Variants in PTPRE observed in about 807,000 individuals in gnomAD.
PTPRE encodes the protein protein tyrosine phosphatase receptor type E, also known as receptor-type tyrosine-protein phosphatase epsilon.
Under a neutral mutation model 102.0 loss-of-function variants are expected in PTPRE, and 51 were observed. The observed-to-expected ratio is 0.50, with a 90% CI of 0.40 to 0.63. The LOEUF (loss-of-function observed/expected upper bound fraction) is 0.63. PTPRE is among the 30% of genes least tolerant of loss of function. The pLI is 0.00. For synonymous variants in PTPRE, 345 were observed against 348.2 expected, an observed-to-expected ratio of 0.99 and a Z score of 0.10; for missense variants, 752 against 915.1, an observed-to-expected ratio of 0.82 and a Z score of 2.30.
intron 1 of PTPRE, among the ~76,000 whole-genome samples, chr10:127,965,908 A>T (rs988955184): frequency 2.0e-5 from 3 of 152,234 alleles, no homozygotes; most frequent in Non-Finnish European, 4.4e-5. Context: ...CTTCTGCCAC[A>T]CTGGCCCTTT....
chr10:128,004,267 G>T (rs576753821), intron 2 of PTPRE, among the ~76,000 whole-genome samples: 1 of 151,522 alleles, frequency 6.6e-6, no homozygotes, highest in South Asian at 2.1e-4. Flanking sequence ...TGGTCCTGGG[G>T]TGATTTATCT....
chr10:128,023,464 A>C (rs1846071876), intron 2 of PTPRE, among the ~76,000 whole-genome samples: 2 of 152,198 alleles, frequency 1.3e-5, no homozygotes, highest in Non-Finnish European at 2.9e-5. Context: ...ATACTTTGAG[A>C]GAGAAGAGAG....
chr10:127,989,420 A>G (rs1301865713), intron 2 of PTPRE, among the ~76,000 whole-genome samples: 2 of 152,228 alleles, frequency 1.3e-5, no homozygotes, highest in African/African-American at 2.4e-5. Flanking sequence ...GCTCAAATTC[A>G]TGATCTCAAG....
chr10:128,066,307 C>A, intron 11 of PTPRE, 113 bp downstream of exon 11: 3 of 1,509,862 alleles, frequency 2.0e-6, no homozygotes, highest in East Asian at 4.5e-5. Context: ...CCGGCACTGT[C>A]GCAGCCCTGG....
chr10:127,972,282 G>A (rs1850808412), intron 1 of PTPRE, among the ~76,000 whole-genome samples: 1 of 152,244 alleles, frequency 6.6e-6, no homozygotes, highest in Non-Finnish European at 1.5e-5. Flanking sequence ...TTTTCCTAAT[G>A]TTGAGGACAT....
chr10:128,011,700 C>T (rs1289698230), intron 2 of PTPRE, among the ~76,000 whole-genome samples: 1 of 152,238 alleles, frequency 6.6e-6, no homozygotes, highest in African/African-American at 2.4e-5. Context: ...TCTATGCTTC[C>T]TCTATCTGTC....
chr10:128,067,772 C>A (rs941155891), intron 11 of PTPRE, among the ~76,000 whole-genome samples: 1 of 152,204 alleles, frequency 6.6e-6, no homozygotes, highest in East Asian at 1.9e-4. Flanking sequence ...TCAGCACCAC[C>A]GGCCTGAGGT....
intron 2 of PTPRE, among the ~76,000 whole-genome samples, chr10:128,006,825 G>C (rs865831673): frequency 1.3e-5 from 2 of 152,166 alleles, no homozygotes; most frequent in Non-Finnish European, 2.9e-5. Context: ...AAGTATTTCT[G>C]TCATGGCTCT....
chr10:128,034,097 C>A (rs60069313), intron 2 of PTPRE, among the ~76,000 whole-genome samples: 3,753 of 152,172 alleles, frequency 0.025, 157 homozygotes, highest in African/African-American at 0.086. Context: ...AAAACACTGC[C>A]GCTTTGTAGT....
At chr10:127,918,686 T>C (rs1160260687) in intron 1 of PTPRE, among the ~76,000 whole-genome samples, 1 of 152,212 alleles carries the variant, frequency 6.6e-6, no homozygotes, top group Non-Finnish European at 1.5e-5. Flanking sequence ...TTCATGGCTG[T>C]TGGGCAACCC....
At chr10:127,940,412 C>T (rs1372200588) in intron 1 of PTPRE, among the ~76,000 whole-genome samples, 1 of 152,198 alleles carries the variant, frequency 6.6e-6, no homozygotes, top group Non-Finnish European at 1.5e-5. Context: ...CACAGCCTTC[C>T]TGATGGACCA....
At chr10:128,018,097 A>C (rs1321722476) in intron 2 of PTPRE, among the ~76,000 whole-genome samples, 1 of 151,348 alleles carries the variant, frequency 6.6e-6, no homozygotes, top group African/African-American at 2.4e-5. Context: ...CCGGGCTGAG[A>C]GTGGAAATTC....
intron 19 of PTPRE, among the ~76,000 whole-genome samples, chr10:128,078,494 G>A (rs1851422782): frequency 6.6e-6 from 1 of 152,212 alleles, no homozygotes. Context: ...CAGGAGCTTG[G>A]GGTGTTTCTA....
At chr10:127,914,148 T>G (rs1846045929) in intron 1 of PTPRE, among the ~76,000 whole-genome samples, 1 of 152,066 alleles carries the variant, frequency 6.6e-6, no homozygotes, top group Non-Finnish European at 1.5e-5. Flanking sequence ...ACCCACTCTC[T>G]CTCTTGTTCC....
intron 1 of PTPRE, among the ~76,000 whole-genome samples, chr10:127,920,109 A>G (rs1227467889): frequency 6.6e-6 from 1 of 152,140 alleles, no homozygotes; most frequent in Non-Finnish European, 1.5e-5. Context: ...TGTGGCTAGA[A>G]TGATGTTGGG....
intron 1 of PTPRE, among the ~76,000 whole-genome samples, chr10:127,920,831 C>T (rs1173560005): frequency 6.6e-6 from 1 of 152,248 alleles, no homozygotes; most frequent in East Asian, 1.9e-4. Context: ...GCCACCAAGG[C>T]CCTGGCTCTC....
chr10:128,077,655 C>G lies in PTPRE; in HGVS notation c.1764C>G (p.Arg588=). The G allele has an allele frequency of 6.2e-7, 1 of 1,613,506 alleles. No individual in the cohort carries two copies. Among genetic ancestry groups the G allele is most frequent in the Non-Finnish European group, 8.5e-7 (1 of 1,179,600 alleles). The change falls in exon 19 of 21, where the codon CGC becomes CGG. Residue 588 remains arginine (R), a synonymous_variant. Transcript: ENST00000254667. ...ARQEEQVRVV[R]QFHFHGWPEI... is the part of the protein sequence containing the mutation. ...AGGAGGAGCAGGTCCGAGTAGTGCGCCAGTTTCACTTCCACGGCTGGCCTG... is the reference window on the plus strand; with the variant it reads ...AGGAGGAGCAGGTCCGAGTAGTGCGGCAGTTTCACTTCCACGGCTGGCCTG...
At chr10:127,949,832 T>G (rs547653395) in intron 1 of PTPRE, among the ~76,000 whole-genome samples, 11 of 152,260 alleles carry the variant, frequency 7.2e-5, no homozygotes, top group Admixed American at 2.0e-4. Context: ...AAATTTGGGA[T>G]GGGGAAACGT....
chr10:128,000,739 G>T (rs1430260725), intron 2 of PTPRE, among the ~76,000 whole-genome samples: 2 of 152,192 alleles, frequency 1.3e-5, no homozygotes, highest in Non-Finnish European at 2.9e-5. Flanking sequence ...CCTGAACCTT[G>T]GTTTCTTTCC....
Sources: allele counts gnomAD v4.1 joint callset (sites outside exome capture counted in the v4.1 genomes callset), GRCh38; gene constraint gnomAD v4.1.1; transcripts MANE v1.5; gene names NCBI Gene and HGNC (gene_info 2026-07-23, HGNC 2026-07-21).